UBR2: variants seen among roughly 807,000 people sequenced by gnomAD.
UBR2 encodes ubiquitin protein ligase E3 component n-recognin 2, also known as E3 ubiquitin-protein ligase UBR2.
In UBR2, 92 loss-of-function variants were observed where a neutral mutation model predicts 247.9. The ratio of observed to expected loss-of-function variants is 0.37; its 90% confidence interval spans 0.31 to 0.44. The LOEUF (loss-of-function observed/expected upper bound fraction) is 0.44, where lower values mean the gene tolerates loss of function less well. UBR2 is among the 20% of genes least tolerant of loss of function. UBR2 has a pLI of 1.00. For missense variants in UBR2, 1,613 were observed against 2,112.6 expected, an observed-to-expected ratio of 0.76 and a Z score of 4.64; for synonymous variants, 672 against 693.5, an observed-to-expected ratio of 0.97 and a Z score of 0.49.
intron 44 of UBR2, among the ~76,000 whole-genome samples, chr6:42,687,942 G>A (rs141452621): frequency 6.6e-6 from 1 of 151,200 alleles, no homozygotes; most frequent in Non-Finnish European, 1.5e-5. Context: ...ATATGGCAGT[G>A]GTACCGTTTA....
rs1331211895 is a variant in UBR2 at position 42,665,395 on chromosome 6, A to G, written c.3699-14A>G. On this transcript the variant is annotated splice_polypyrimidine_tract_variant and intron_variant, in intron 32 of 46. Coordinates refer to ENST00000372901, the MANE Select transcript of UBR2 (RefSeq NM_001363705.2). ...AATAATAAAACACTAAATACTCTCT[A>G]TAATCTTTTCTAGCAGGTTAAATTT... The G allele has an allele frequency of 7.0e-6, 11 of 1,580,912 alleles. No homozygotes were observed. The highest frequency in any genetic ancestry group is 9.5e-6 in the Non-Finnish European group (11 of 1,151,844).
At chr6:42,614,346 A>ATGTGTGTG (rs771602537) in intron 8 of UBR2, among the ~76,000 whole-genome samples, 2 of 61,990 alleles carry the variant, frequency 3.2e-5, no homozygotes, top group Non-Finnish European at 7.9e-5. Context: ...GTATGTGTGT[A>ATGTGTGTG]TGTATGTGTG....
intron 9 of UBR2, 113 bp from the exon 10 acceptor site, chr6:42,615,889 C>G: frequency 2.5e-6 from 2 of 789,484 alleles, no homozygotes; most frequent in Non-Finnish European, 1.9e-6. Context: ...AAGACACTGT[C>G]TCAAAAGTAA....
chr6:42,582,798 T>C (rs1344610290), intron 2 of UBR2, among the ~76,000 whole-genome samples: 2 of 152,200 alleles, frequency 1.3e-5, no homozygotes, highest in Non-Finnish European at 2.9e-5. Context: ...ATATACTACA[T>C]AGACTGTTTA....
chr6:42,622,878 GCCAGTCTCAAACT>G (rs1795089028), intron 11 of UBR2, among the ~76,000 whole-genome samples: 1 of 150,000 alleles, frequency 6.7e-6, no homozygotes, highest in Non-Finnish European at 1.5e-5. Context: ...TGATGCTCAG[GCCAGTCTCAAACT>G]CCTGGGCTCA....
chr6:42,599,084 G>A (rs1471901791), intron 4 of UBR2, among the ~76,000 whole-genome samples: 1 of 152,098 alleles, frequency 6.6e-6, no homozygotes, highest in Non-Finnish European at 1.5e-5. Context: ...TTAAGTTGCT[G>A]TAAATCCTAT....
chr6:42,649,183 T>C (rs957692480), intron 22 of UBR2, among the ~76,000 whole-genome samples: 2 of 152,128 alleles, frequency 1.3e-5, no homozygotes, highest in Non-Finnish European at 2.9e-5. Flanking sequence ...AATTTTTGTA[T>C]TTTTAGTAGA....
Position 42,612,266 on chromosome 6 carries a change from G to T in UBR2, c.960G>T (p.Trp320Cys), listed in dbSNP as rs755799890. 6.5e-6 allele frequency: 10 copies of T among 1,530,752 alleles called. No individual in the cohort carries two copies. The East Asian group carries it at 1.8e-4, about 28-fold the overall frequency. 94.8% of individuals were successfully genotyped at this position (1,530,752 alleles called of 1,614,324 possible). ...ATTTTGGTTTGAAACTTTTGTCTTG[G>T]CTGGGAAGTATTATTGGATATTCAG... ...HQNFGLKLLS[W>C]LGSIIGYSDG... The change falls in exon 8 of 47, where the codon TGG becomes TGT. Residue 320 changes from tryptophan (W) to cysteine (C), a missense_variant. By Grantham distance (215) the Trp-to-Cys change is radical. Transcript: ENST00000372901.
chr6:42,684,726 G>A (rs1259764593), intron 43 of UBR2, 68 bp from the exon 44 acceptor site: 1 of 1,208,778 alleles, frequency 8.3e-7, no homozygotes, highest in African/African-American at 1.5e-5. Context: ...ATGTGCACAT[G>A]GAAGTGCCTC....
chr6:42,620,525 T>C (rs1469051195), intron 11 of UBR2, among the ~76,000 whole-genome samples: 2 of 147,646 alleles, frequency 1.4e-5, no homozygotes, highest in Non-Finnish European at 3.0e-5. Flanking sequence ...TAAGACAGAG[T>C]CTCACTGTCC....
rs1799801337 is a variant in UBR2 at position 42,692,563 on chromosome 6, G to T, written c.*1390G>T. On this transcript the variant is annotated 3_prime_UTR_variant, in exon 47 of 47. Coordinates refer to ENST00000372901, the MANE Select transcript of UBR2 (RefSeq NM_001363705.2). ...TAAATTCTGAGCCTGTCTAAGGTGGGGCTAAGGAACAGATGAGTAATAAGA... is the reference window on the plus strand; with the variant it reads ...TAAATTCTGAGCCTGTCTAAGGTGGTGCTAAGGAACAGATGAGTAATAAGA... 6.6e-6 allele frequency: 1 copy of T among 152,164 alleles called. No individual in the cohort carries two copies. 9.4% of individuals were successfully genotyped at this position (152,164 alleles called of 1,614,324 possible). A position where few individuals can be genotyped will look rare whatever the true frequency, so the allele number is the denominator to read the frequency against.
intron 7 of UBR2, among the ~76,000 whole-genome samples, chr6:42,607,993 C>T (rs1562304486): frequency 6.6e-6 from 1 of 151,984 alleles, no homozygotes; most frequent in Non-Finnish European, 1.5e-5. Context: ...ATGTTTTAAA[C>T]ATTGTATAGT....
intron 15 of UBR2, among the ~76,000 whole-genome samples, chr6:42,638,636 C>T (rs1189213658): frequency 6.6e-6 from 1 of 152,074 alleles, no homozygotes; most frequent in South Asian, 2.1e-4. Flanking sequence ...CAATCCTCAA[C>T]ACAGGCAATT....
intron 13 of UBR2, among the ~76,000 whole-genome samples, chr6:42,635,185 C>A (rs911629123): frequency 1.3e-5 from 2 of 151,918 alleles, no homozygotes; most frequent in African/African-American, 4.8e-5. Context: ...TTAGATGATA[C>A]CTCTGAAATA....
At chr6:42,586,586 G>T (rs2151913276) in intron 2 of UBR2, among the ~76,000 whole-genome samples, 1 of 91,102 alleles carries the variant, frequency 1.1e-5, no homozygotes, top group Admixed American at 1.5e-4. Context: ...TTTCCTAACT[G>T]TGTGCTGCCT....
intron 20 of UBR2, 93 bp downstream of exon 20, chr6:42,644,629 T>C (rs1328508476): frequency 9.8e-7 from 1 of 1,024,486 alleles, no homozygotes; most frequent in East Asian, 2.4e-5. Context: ...TCCTTTGTTT[T>C]GAGAGGATGC....
In UBR2 at chr6:42,670,704, C is replaced by A; in HGVS notation, c.4075C>A (p.Pro1359Thr). The change falls in exon 36 of 47, where the codon CCT becomes ACT. Residue 1359 changes from proline to threonine, a missense_variant. Physicochemically the swap from Pro to Thr is conservative, Grantham distance 38. Around this residue, in one of 3 missense-constraint regions of UBR2, gnomAD observed 1,524 missense variants for 1,967.3 expected, o/e 0.77. Transcript: ENST00000372901. ...AGATAAACCATTGTTTGGTCCTTTA[C>A]CTTGCAGACTGGTAAGTTCTCAGTT... Reference protein sequence around the residue: ...DEDKPLFGPLPCRLDDCLRSL... With the variant: ...DEDKPLFGPLTCRLDDCLRSL... 1 of 1,609,526 alleles carries A rather than the reference C, an allele frequency of 6.2e-7. No individual in the cohort carries two copies. Among genetic ancestry groups the A allele is most frequent in the Non-Finnish European group, 8.5e-7 (1 of 1,178,090 alleles).
intron 11 of UBR2, among the ~76,000 whole-genome samples, chr6:42,624,223 C>T (rs1227260065): frequency 2.0e-5 from 3 of 151,968 alleles, no homozygotes; most frequent in Admixed American, 1.3e-4. Flanking sequence ...TCACTGCAGC[C>T]TCAACCTCCT....
At chr6:42,690,356 C>A (rs1799684900) in intron 46 of UBR2, among the ~76,000 whole-genome samples, 1 of 152,248 alleles carries the variant, frequency 6.6e-6, no homozygotes, top group African/African-American at 2.4e-5. Flanking sequence ...CCACCCAGTG[C>A]TGGTGCTTCC....
Sources: allele counts gnomAD v4.1 joint callset (sites outside exome capture counted in the v4.1 genomes callset), GRCh38; gene constraint gnomAD v4.1.1; regional missense constraint gnomAD v4.1.1; transcripts MANE v1.5; gene names NCBI Gene and HGNC (gene_info 2026-07-23, HGNC 2026-07-21).